SPTA1: variants seen among roughly 807,000 people sequenced by gnomAD.
The protein encoded by SPTA1 is spectrin alpha chain, erythrocytic 1.
A neutral mutation model predicts 324.7 loss-of-function variants in SPTA1; 177 were observed. That is an observed-to-expected ratio of 0.55 (90% CI 0.48 to 0.62). SPTA1 has a LOEUF of 0.62. Ranked by LOEUF, SPTA1 falls within the 20% of genes least tolerant of loss-of-function variation. SPTA1 has a pLI of 0.00. For synonymous variants in SPTA1, 1,195 were observed against 1,041.3 expected (o/e 1.15, Z -2.84); for missense variants, 3,162 against 2,883.6 (o/e 1.10, Z -2.21).
At chr1:158,640,717 T>A (rs1251383916) in intron 33 of SPTA1, among the ~76,000 whole-genome samples, 1 of 151,180 alleles carries the variant, frequency 6.6e-6, no homozygotes, top group African/African-American at 2.4e-5. Context: ...GTAGGAAGAA[T>A]CAATGGCCAT....
Position 158,680,630 on chromosome 1 carries a change from C to G in SPTA1, c.631G>C (p.Glu211Gln). ...TGGTTCACTTCAACAACTCTCCCTTCTTTAGCTACCAGCTCCACTTGGAAG... is the reference window on the plus strand; with the variant it reads ...TGGTTCACTTCAACAACTCTCCCTTGTTTAGCTACCAGCTCCACTTGGAAG... ...EDFQVELVAK[E>Q]GRVVEVNQYA... The change falls in exon 5 of 52, where the codon GAA (glutamate) becomes CAA (glutamine). Residue 211 changes from glutamate (E) to glutamine (Q), a missense_variant. Coordinates refer to ENST00000643759, the MANE Select transcript of SPTA1 (RefSeq NM_003126.4). 6.2e-7 allele frequency: 1 copy of G among 1,613,936 alleles called. No homozygotes were observed. Among genetic ancestry groups the G allele is most frequent in the Non-Finnish European group, 8.5e-7 (1 of 1,179,878 alleles).
rs1351370372 is a variant in SPTA1, at chr1:158,626,952, T to C, written c.5720A>G (p.Asn1907Ser). 1 of 1,613,856 alleles carries C rather than the reference T, an allele frequency of 6.2e-7. No individual in the cohort carries two copies. ...KEISSKIEAL[N>S]EKTPSLAKAI... ...CTTAGCCAGAGAAGGGGTCTTTTCA[T>C]TCAGAGCCTCTATCTTGGAAGAAAT... Residue 1907 changes from asparagine to serine, a missense_variant, in exon 41 of 52, where the codon AAT becomes AGT. Asn to Ser is a conservative substitution (Grantham distance 46). Transcript: ENST00000643759.
intron 48 of SPTA1, chr1:158,614,942 A>G (rs1649467370): frequency 4.7e-6 from 2 of 425,416 alleles, no homozygotes; most frequent in South Asian, 6.6e-5. Flanking sequence ...ATCACATAAG[A>G]TGGTGAAAGA....
intron 24 of SPTA1, among the ~76,000 whole-genome samples, chr1:158,650,186 G>C (rs1271481580): frequency 1.3e-5 from 2 of 152,192 alleles, no homozygotes; most frequent in Admixed American, 1.3e-4. Context: ...CTCCGGAGCA[G>C]TAAATAAGTG....
intron 12 of SPTA1, among the ~76,000 whole-genome samples, chr1:158,670,694 C>T (rs1397185482): frequency 6.6e-6 from 1 of 152,058 alleles, no homozygotes; most frequent in Non-Finnish European, 1.5e-5. Context: ...TCACATTCAC[C>T]AGCTTTCTGG....
Position 158,642,497 on chromosome 1 carries a change from G to C in SPTA1, c.4651C>G (p.Arg1551Gly), listed in dbSNP as rs777656764. ...ATGACGCCATGCACCTGCTCAGATCGGCCATCGACTTCATGTGCAAAGGTC... is the reference window on the plus strand; with the variant it reads ...ATGACGCCATGCACCTGCTCAGATCCGCCATCGACTTCATGTGCAAAGGTC... The part of the protein sequence containing the change: ...HQTFAHEVDG[R>G]SEQVHGVINL... The change falls in exon 33 of 52, where the codon CGA (arginine) becomes GGA (glycine). Residue 1551 changes from arginine to glycine, a missense_variant. Arg to Gly is a moderately radical substitution (Grantham distance 125, BLOSUM62 -2). Transcript: ENST00000643759. 1.4e-5 allele frequency: 22 copies of C among 1,613,448 alleles called. No individual in the cohort carries two copies. In the East Asian group the frequency reaches 4.9e-4, roughly 36 times the overall value.
chr1:158,617,666 CCT>C (rs1379500641), intron 46 of SPTA1, 78 bp from the exon 47 acceptor site: 1 of 1,379,448 alleles, frequency 7.2e-7, no homozygotes, highest in African/African-American at 1.4e-5. Context: ...ACTCGAAGCT[CCT>C]CTGTTTCAAC....
At chr1:158,683,292 T>C in intron 3 of SPTA1, 79 bp downstream of exon 3, 15 of 1,601,594 alleles carry the variant, frequency 9.4e-6, no homozygotes, top group Non-Finnish European at 1.3e-5. Flanking sequence ...CCACTCAAGG[T>C]TTATATCTCA....
intron 16 of SPTA1, among the ~76,000 whole-genome samples, chr1:158,666,081 AT>A (rs752130705): frequency 1.8e-4 from 27 of 152,046 alleles, no homozygotes; most frequent in Non-Finnish European, 3.4e-4. Flanking sequence ...TTTACTAAAA[AT>A]TTCGAATTTT....
chr1:158,645,468 C>G, intron 28 of SPTA1, 27 bp downstream of exon 28: 1 of 1,613,906 alleles, frequency 6.2e-7, no homozygotes, highest in Non-Finnish European at 8.5e-7. Flanking sequence ...GTCAAGTGAT[C>G]AGTGGCTGTG....
intron 13 of SPTA1, 62 bp from the exon 14 acceptor site, chr1:158,669,625 T>C (rs1653865986): frequency 1.2e-6 from 2 of 1,614,076 alleles, no homozygotes; most frequent in South Asian, 2.2e-5. Context: ...TGAGATTCGC[T>C]GACCACCCTG....
intron 42 of SPTA1, among the ~76,000 whole-genome samples, chr1:158,623,822 T>C (rs1049023496): frequency 1.3e-5 from 2 of 152,218 alleles, no homozygotes; most frequent in Non-Finnish European, 2.9e-5. Context: ...GGAGTGCTAC[T>C]ATAAAGATAC....
chr1:158,640,311 C>T (rs1002687295), intron 33 of SPTA1, among the ~76,000 whole-genome samples: 9 of 151,888 alleles, frequency 5.9e-5, no homozygotes, highest in African/African-American at 1.9e-4. Flanking sequence ...GGAATTAAGC[C>T]GAAGCTTTCT....
At position 158,671,437 on chromosome 1, in the gene SPTA1, T is replaced by C; in HGVS notation, c.1505A>G (p.Glu502Gly). The change falls in exon 12 of 52, where the codon GAG becomes GGG. Residue 502 changes from glutamate to glycine, a missense_variant. Coordinates refer to ENST00000643759, the MANE Select transcript of SPTA1 (RefSeq NM_003126.4). ...ACTGCCCAGTGAGTTTCCCAGATCC[T>C]CGTTTTCCAGGAAGGCCTGTAGAAG... ...MSRQEAFLENEDLGNSLGSAE... is the reference protein window; with the variant it reads ...MSRQEAFLENGDLGNSLGSAE... The C allele has an allele frequency of 6.2e-7, 1 of 1,612,948 alleles. No individual in the cohort carries two copies. The highest frequency in any genetic ancestry group is 8.5e-7 in the Non-Finnish European group (1 of 1,179,886).
rs377049823 is a variant in SPTA1 at position 158,671,416 on chromosome 1, C to A, written c.1526G>T (p.Gly509Val). ...CTTCTGAAGAAGGGCTTCTGCACTG[C>A]CCAGTGAGTTTCCCAGATCCTCGTT... ...LENEDLGNSL[G>V]SAEALLQKHE... is the part of the protein sequence containing the mutation. Residue 509 changes from glycine (G) to valine (V), a missense_variant, in exon 12 of 52, where the codon GGC becomes GTC. By Grantham distance (109) the Gly-to-Val change is moderately radical (BLOSUM62 -3). Transcript: ENST00000643759. 8 of 1,613,102 alleles carry A rather than the reference C, an allele frequency of 5.0e-6. No homozygotes were observed. The highest frequency in any genetic ancestry group is 6.8e-6 in the Non-Finnish European group (8 of 1,179,912).
intron 27 of SPTA1, among the ~76,000 whole-genome samples, chr1:158,646,661 G>T (rs978749300): frequency 6.6e-6 from 1 of 152,138 alleles, no homozygotes; most frequent in East Asian, 1.9e-4. Context: ...AGCACCATTG[G>T]AATGGGTGTG....
At chr1:158,628,877 C>G (rs969176957) in intron 39 of SPTA1, among the ~76,000 whole-genome samples, 6 of 151,746 alleles carry the variant, frequency 4.0e-5, no homozygotes, top group Non-Finnish European at 8.8e-5. Flanking sequence ...TTGCAAAGAC[C>G]AAATCATGAA....
Position 158,619,237 on chromosome 1 carries a change from C to A in SPTA1, c.6515G>T (p.Trp2172Leu). Residue 2172 changes from tryptophan (W) to leucine (L), a missense_variant, in exon 45 of 52, where the codon TGG (tryptophan) becomes TTG (leucine). Transcript: ENST00000643759. The stretch of plus-strand genomic sequence containing the variant: ...CATAGCACACCTGGTTTCCAGGATC[C>A]ATTGAAGGAAGGTACTGGCATTCTG... The part of the protein sequence containing the change: ...FEQNASTFLQ[W>L]ILETRAYFLD... The A allele has an allele frequency of 1.2e-6, 2 of 1,614,072 alleles. No homozygotes were observed. The highest frequency in any genetic ancestry group is 1.7e-6 in the Non-Finnish European group (2 of 1,179,958).
intron 47 of SPTA1, 81 bp from the exon 48 acceptor site, chr1:158,615,484 G>T: frequency 7.1e-7 from 1 of 1,400,180 alleles, no homozygotes; most frequent in Non-Finnish European, 1.0e-6. Context: ...GGAGATAACA[G>T]GCTGATTTTA....
Sources: gnomAD v4.1 joint callset for allele counts (sites outside exome capture counted in the v4.1 genomes callset) on GRCh38, gnomAD v4.1.1 for gene constraint, MANE v1.5 for transcripts, NCBI Gene and HGNC (gene_info 2026-07-23, HGNC 2026-07-21) for gene names.